Variants in FAM114A1 observed in about 807,000 individuals in gnomAD.
FAM114A1 encodes the protein protein NOXP20.
Under a neutral mutation model 64.3 loss-of-function variants are expected in FAM114A1, and 62 were observed. The ratio of observed to expected loss-of-function variants is 0.96; its 90% CI spans 0.79 to 1.19. The LOEUF is 1.19. Ranked by LOEUF, FAM114A1 falls within the 50% of genes most tolerant of loss-of-function variation. FAM114A1 has a pLI of 0.00. For synonymous variants in FAM114A1, 254 were observed against 251.1 expected, an observed-to-expected ratio of 1.01 and a Z score of -0.11; for missense variants, 645 against 676.3, an observed-to-expected ratio of 0.95 and a Z score of 0.51.
intron 8 of FAM114A1, among the ~76,000 whole-genome samples, chr4:38,915,806 G>A (rs965829710): frequency 2.0e-5 from 3 of 146,600 alleles, no homozygotes; most frequent in African/African-American, 5.0e-5. Flanking sequence ...TATTTAGCAA[G>A]CACTTAATGG....
chr4:38,899,723 G>A (rs1717317263), intron 4 of FAM114A1, among the ~76,000 whole-genome samples: 3 of 152,036 alleles, frequency 2.0e-5, no homozygotes, highest in African/African-American at 4.8e-5. Flanking sequence ...CTATATCAGA[G>A]CAAATACATT....
Position 38,905,441 on chromosome 4 carries a change from A to T in FAM114A1, c.437-81A>T, listed in dbSNP as rs543552603. 1.4e-5 allele frequency: 15 copies of T among 1,041,188 alleles called. No homozygotes were observed. In the African/African-American group the frequency reaches 2.1e-4, roughly 15 times the overall value. 64.5% of individuals were successfully genotyped at this position (1,041,188 alleles called of 1,614,324 possible). ...GAAAGATGTACTTCTGCAACTTGAA[A>T]CAGCTTTGTAAGATTTGGTGGAGGA... On this transcript the variant is annotated intron_variant, in intron 4 of 14. Coordinates refer to ENST00000358869, the MANE Select transcript of FAM114A1 (RefSeq NM_138389.4).
chr4:38,894,523 T>C (rs1016864144), intron 4 of FAM114A1, among the ~76,000 whole-genome samples: 1 of 152,200 alleles, frequency 6.6e-6, no homozygotes, highest in African/African-American at 2.4e-5. Flanking sequence ...ACTGGTTATA[T>C]TTGAACCAAG....
At chr4:38,934,436 G>A (rs552635901) in intron 12 of FAM114A1, among the ~76,000 whole-genome samples, 1 of 152,182 alleles carries the variant, frequency 6.6e-6, no homozygotes, top group Non-Finnish European at 1.5e-5. Flanking sequence ...GGTGGATATA[G>A]CTCATAAAAC....
chr4:38,941,076 CTTTTTTT>C, intron 14 of FAM114A1, 55 bp downstream of exon 14: 2 of 1,236,016 alleles, frequency 1.6e-6, no homozygotes, highest in Admixed American at 5.0e-5. Flanking sequence ...GTTAGAACTA[CTTTTTTT>C]TTTTTTTGCC....
At chr4:38,929,560 C>A (rs990681197) in intron 10 of FAM114A1, among the ~76,000 whole-genome samples, 2 of 152,176 alleles carry the variant, frequency 1.3e-5, no homozygotes, top group African/African-American at 4.8e-5. Flanking sequence ...GGTGGATCAC[C>A]TGAGGTCAGG....
chr4:38,926,259 T>G (rs561646414), intron 9 of FAM114A1, among the ~76,000 whole-genome samples: 199 of 152,288 alleles, frequency 1.3e-3, no homozygotes, highest in African/African-American at 4.4e-3. Flanking sequence ...GAACTCTCTG[T>G]GCTCTGCAAC....
intron 6 of FAM114A1, among the ~76,000 whole-genome samples, chr4:38,906,457 G>A (rs1391672365): frequency 6.6e-6 from 1 of 152,050 alleles, no homozygotes; most frequent in Non-Finnish European, 1.5e-5. Flanking sequence ...GGTGAATAAT[G>A]AAAAAAGGGG....
chr4:38,930,796 G>T (rs1720563388), intron 10 of FAM114A1, among the ~76,000 whole-genome samples: 2 of 152,168 alleles, frequency 1.3e-5, no homozygotes, highest in South Asian at 4.1e-4. Context: ...AGGGGAGGAG[G>T]TTTCTGATTG....
intron 6 of FAM114A1, among the ~76,000 whole-genome samples, chr4:38,907,242 G>A (rs1033178275): frequency 5.9e-5 from 9 of 152,188 alleles, no homozygotes; most frequent in African/African-American, 1.9e-4. Flanking sequence ...AACCACCCCC[G>A]TGGGGGGTTT....
intron 3 of FAM114A1, 37 bp downstream of exon 3, chr4:38,878,463 T>TCTTG: frequency 2.0e-6 from 3 of 1,532,162 alleles, no homozygotes; most frequent in Non-Finnish European, 2.6e-6. Context: ...CGGCCTAAGT[T>TCTTG]CTTGCTTATA....
At chr4:38,916,604 A>T (rs914059526) in intron 8 of FAM114A1, among the ~76,000 whole-genome samples, 1 of 152,202 alleles carries the variant, frequency 6.6e-6, no homozygotes, top group Non-Finnish European at 1.5e-5. Context: ...AGTGAAGTTG[A>T]ACAATGAGAA....
In FAM114A1 at chr4:38,941,139, T is replaced by A. The variant is rs1721554133; in HGVS notation, c.1590+118T>A. 3 of 890,402 alleles carry A rather than the reference T, an allele frequency of 3.4e-6. No individual in the cohort carries two copies. In the East Asian group the frequency reaches 7.9e-5, roughly 23 times the overall value. 55.2% of individuals were successfully genotyped at this position (890,402 alleles called of 1,614,324 possible). On this transcript the variant is annotated intron_variant, in intron 14 of 14. Transcript: ENST00000358869. ...GTTATTGCAATTCTGAATCTCATCA[T>A]CAGGTCTTTTTTGAGTAAATTTGTG...
At chr4:38,886,499 GAAGA>G (rs1715818714) in intron 3 of FAM114A1, among the ~76,000 whole-genome samples, 1 of 151,908 alleles carries the variant, frequency 6.6e-6, no homozygotes, top group Non-Finnish European at 1.5e-5. Flanking sequence ...AAGAGACAAA[GAAGA>G]AAGATGTGGA....
intron 8 of FAM114A1, among the ~76,000 whole-genome samples, chr4:38,915,744 GGTGTGTGTGTGTGTGTGTGTGTGT>G (rs58018099): frequency 3.5e-4 from 49 of 139,218 alleles, no homozygotes; most frequent in African/African-American, 1.2e-3. Context: ...CATCTATAGT[GGTGTGTGTGTGTGTGTGTGTGTGT>G]GTGTGTGTGT....
intron 8 of FAM114A1, among the ~76,000 whole-genome samples, chr4:38,921,281 G>GT (rs1329117495): frequency 6.6e-6 from 1 of 151,832 alleles, no homozygotes; most frequent in African/African-American, 2.4e-5. Context: ...ATAATGTTCT[G>GT]TTTTTTTTGA....
intron 7 of FAM114A1, among the ~76,000 whole-genome samples, chr4:38,914,251 A>T (rs905939893): frequency 6.6e-6 from 1 of 152,038 alleles, no homozygotes; most frequent in Non-Finnish European, 1.5e-5. Context: ...CTCATTATAG[A>T]AAATTTGGGG....
At chr4:38,881,458 C>T (rs4370143) in intron 3 of FAM114A1, among the ~76,000 whole-genome samples, 42,066 of 151,860 alleles carry the variant, frequency 0.28, 6,184 homozygotes, top group African/African-American at 0.31. Context: ...GCCACAGAGT[C>T]GGGCCCGTGG....
rs560047917 is a variant in FAM114A1, at chr4:38,932,275, C to T, written c.1364C>T (p.Thr455Ile). The change falls in exon 12 of 15, where the codon ACA becomes ATA. Residue 455 changes from threonine to isoleucine, a missense_variant. Thr to Ile is a moderately conservative substitution (Grantham distance 89). Transcript: ENST00000358869. ...TCCATTGAAAGTCTGGCGGAGGTAACAGCGCGCTGTATTGAGCAGCTTCAT... is the reference window on the plus strand; with the variant it reads ...TCCATTGAAAGTCTGGCGGAGGTAATAGCGCGCTGTATTGAGCAGCTTCAT... ...MSSIESLAEVTARCIEQLHKV... is the reference protein window; with the variant it reads ...MSSIESLAEVIARCIEQLHKV... The T allele has an allele frequency of 6.2e-7, 1 of 1,610,984 alleles. No homozygotes were observed. The highest frequency in any genetic ancestry group is 2.2e-5 in the East Asian group (1 of 44,862).
Sources: gnomAD v4.1 joint callset for allele counts (sites outside exome capture counted in the v4.1 genomes callset) on GRCh38, gnomAD v4.1.1 for gene constraint, MANE v1.5 for transcripts, NCBI Gene and HGNC (gene_info 2026-07-23, HGNC 2026-07-21) for gene names.